The following ANXA8 variants were observed in gnomAD, a reference collection of about 807,000 sequenced individuals.
ANXA8 encodes annexin A8.
Under a neutral mutation model 26.8 loss-of-function variants are expected in ANXA8, and 9 were observed. That is an observed-to-expected ratio of 0.34 (90% CI 0.20 to 0.59). The LOEUF is 0.59. Among genes scored for constraint, ANXA8 ranks in the 20% least tolerant of loss-of-function variants. ANXA8 has a pLI of 0.84. For synonymous variants in ANXA8, 39 were observed against 94.8 expected (o/e 0.41, Z 3.42); for missense variants, 83 against 238.5 (o/e 0.35, Z 4.29).
chr10:47,717,988 A>C, the ANXA8 span, among the ~76,000 whole-genome samples: 1 of 103,090 alleles, frequency 9.7e-6, no homozygotes, highest in African/African-American at 4.0e-5. Context: ...ACAGAGCAAT[A>C]CTCTGTCTCA....
At chr10:47,946,987 G>T in the ANXA8 span, among the ~76,000 whole-genome samples, 1 of 150,242 alleles carries the variant, frequency 6.7e-6, no homozygotes, top group African/African-American at 2.5e-5. Context: ...CACCGAGCCT[G>T]GCCCACAGTT....
At chr10:47,975,576 C>A in the ANXA8 span, among the ~76,000 whole-genome samples, 4 of 150,620 alleles carry the variant, frequency 2.7e-5, no homozygotes, top group African/African-American at 4.8e-5. Flanking sequence ...CCGCTTCTGA[C>A]AGAGCATTTA....
At chr10:47,560,717 C>T in the ANXA8 span, among the ~76,000 whole-genome samples, 515 of 152,020 alleles carry the variant, frequency 3.4e-3, 8 homozygotes, top group Non-Finnish European at 5.5e-3. Context: ...CTGGGCACAG[C>T]GCCTGACTAT....
chr10:47,925,726 G>A, the ANXA8 span, among the ~76,000 whole-genome samples: 1 of 147,032 alleles, frequency 6.8e-6, no homozygotes, highest in Non-Finnish European at 1.5e-5. Flanking sequence ...GAGAAGCTCT[G>A]CTCTAAGAAA....
the ANXA8 span, among the ~76,000 whole-genome samples, chr10:47,755,239 G>A: frequency 3.6e-4 from 54 of 151,210 alleles, no homozygotes; most frequent in African/African-American, 1.3e-3. Flanking sequence ...ATAGGCGTGA[G>A]CCACCGCACC....
chr10:47,945,096 C>A, the ANXA8 span, among the ~76,000 whole-genome samples: 1 of 150,540 alleles, frequency 6.6e-6, no homozygotes, highest in Admixed American at 6.6e-5. Context: ...CTCTTGCTGA[C>A]CCCCAAGACT....
the ANXA8 span, among the ~76,000 whole-genome samples, chr10:47,702,256 G>A: frequency 5.3e-5 from 8 of 150,802 alleles, no homozygotes; most frequent in Middle Eastern, 3.4e-3. Flanking sequence ...TCCATTGAGC[G>A]AGCACAGCAC....
chr10:47,650,888 C>G, the ANXA8 span, among the ~76,000 whole-genome samples: 1 of 140,196 alleles, frequency 7.1e-6, no homozygotes, highest in African/African-American at 2.8e-5. Flanking sequence ...ACATGAAATA[C>G]ACACATGAAA....
the ANXA8 span, among the ~76,000 whole-genome samples, chr10:47,677,572 AG>A: frequency 2.1e-5 from 3 of 140,180 alleles, no homozygotes; most frequent in Non-Finnish European, 4.5e-5. Flanking sequence ...GAGAGTTTGG[AG>A]AAGTCAAGGC....
the ANXA8 span, among the ~76,000 whole-genome samples, chr10:47,634,107 T>C: frequency 7.9e-6 from 1 of 126,942 alleles, no homozygotes; most frequent in East Asian, 2.6e-4. Context: ...AAAGCAGTGA[T>C]AAATTTTAAG....
chr10:47,633,838 C>CTCAA, the ANXA8 span, among the ~76,000 whole-genome samples: 1 of 149,678 alleles, frequency 6.7e-6, no homozygotes, highest in Admixed American at 6.6e-5. Flanking sequence ...CAAAATACCA[C>CTCAA]TCAAATGTTT....
the ANXA8 span, among the ~76,000 whole-genome samples, chr10:47,696,117 C>G: frequency 6.6e-6 from 1 of 151,802 alleles, no homozygotes; most frequent in African/African-American, 2.4e-5. Flanking sequence ...TACATGATAA[C>G]ATTTTCCTTA....
the ANXA8 span, among the ~76,000 whole-genome samples, chr10:47,959,119 G>T: frequency 6.8e-6 from 1 of 147,464 alleles, no homozygotes; most frequent in African/African-American, 2.6e-5. Flanking sequence ...TGGGAGGTAG[G>T]TGGCCTTGGA....
the ANXA8 span, among the ~76,000 whole-genome samples, chr10:47,726,660 C>G: frequency 2.0e-5 from 3 of 152,264 alleles, no homozygotes; most frequent in South Asian, 4.1e-4. Context: ...TCATTTGAAG[C>G]TCTTGGGGAA....
the ANXA8 span, among the ~76,000 whole-genome samples, chr10:47,896,904 T>TTTTATTTA: frequency 0.036 from 5,240 of 145,840 alleles, 138 homozygotes; most frequent in African/African-American, 0.094. Context: ...AATGAAGAGA[T>TTTTATTTA]TTTATTTATT....
At chr10:47,513,195 C>A in the ANXA8 span, among the ~76,000 whole-genome samples, 3,124 of 147,352 alleles carry the variant, frequency 0.021, no homozygotes, top group Middle Eastern at 0.033. Context: ...CCACCACGCC[C>A]GGCTAACTTT....
chr10:47,558,933 T>A, the ANXA8 span, among the ~76,000 whole-genome samples: 1 of 151,648 alleles, frequency 6.6e-6, no homozygotes, highest in African/African-American at 2.4e-5. Flanking sequence ...GATTTTCTTG[T>A]ATGCATATGT....
the ANXA8 span, among the ~76,000 whole-genome samples, chr10:47,558,949 C>T: frequency 6.6e-6 from 1 of 151,396 alleles, no homozygotes; most frequent in Non-Finnish European, 1.5e-5. Flanking sequence ...TATGTATTTA[C>T]CTATTATTTG....
At chr10:47,723,510 G>A in the ANXA8 span, among the ~76,000 whole-genome samples, 5 of 83,730 alleles carry the variant, frequency 6.0e-5, no homozygotes, top group Admixed American at 4.2e-4. Flanking sequence ...TTCTTTCCTC[G>A]CTCTAACTGC....
Sources: allele counts gnomAD v4.1 joint callset (sites outside exome capture counted in the v4.1 genomes callset), GRCh38; gene constraint gnomAD v4.1.1; transcripts MANE v1.5; gene names NCBI Gene and HGNC (gene_info 2026-07-23, HGNC 2026-07-21).